Variants in GUCY2F observed in about 807,000 individuals in gnomAD.
The protein encoded by GUCY2F is retinal guanylyl cyclase 2.
Under a neutral mutation model 73.1 loss-of-function variants are expected in GUCY2F, and 61 were observed. The observed-to-expected ratio is 0.83, with a 90% confidence interval of 0.68 to 1.03. The LOEUF (loss-of-function observed/expected upper bound fraction) is 1.03, where lower values mean the gene tolerates loss of function less well. Among genes scored for constraint, GUCY2F ranks in the 50% least tolerant of loss-of-function variants. The pLI, the probability that GUCY2F is intolerant of heterozygous loss-of-function variation, is 0.00. For missense variants in GUCY2F, 912 were observed against 854.3 expected, an observed-to-expected ratio of 1.07 and a Z score of -0.84; for synonymous variants, 331 against 307.8, an observed-to-expected ratio of 1.08 and a Z score of -0.79.
At chrX:109,399,703 G>A (rs1399778554) in intron 10 of GUCY2F, among the ~76,000 whole-genome samples, 1 of 111,096 alleles carries the variant, frequency 9.0e-6, no homozygotes, top group African/African-American at 3.3e-5. Context: ...AAACTGAGCT[G>A]ATCAAATTAA....
At chrX:109,390,021 G>C (rs1408309372) in intron 14 of GUCY2F, among the ~76,000 whole-genome samples, 1 of 112,079 alleles carries the variant, frequency 8.9e-6, no homozygotes, top group Non-Finnish European at 1.9e-5. Context: ...CTGCACACAG[G>C]AAGGAAGGAT....
At chrX:109,426,283 T>C (rs1488310600) in intron 8 of GUCY2F, among the ~76,000 whole-genome samples, 1 of 112,319 alleles carries the variant, frequency 8.9e-6, no homozygotes, top group Non-Finnish European at 1.9e-5. Context: ...AAAGCAGAGG[T>C]CAGTAGACTG....
intron 11 of GUCY2F, among the ~76,000 whole-genome samples, chrX:109,396,325 A>G (rs1930706934): frequency 9.2e-6 from 1 of 108,527 alleles, no homozygotes; most frequent in Non-Finnish European, 1.9e-5. Flanking sequence ...ACCTTTTTAC[A>G]AAAAGAAAAC....
intron 7 of GUCY2F, among the ~76,000 whole-genome samples, chrX:109,437,506 C>A (rs1931779033): frequency 8.9e-6 from 1 of 112,709 alleles, no homozygotes; most frequent in Non-Finnish European, 1.9e-5. Flanking sequence ...AAACATACCA[C>A]AATTTAACAC....
intron 8 of GUCY2F, among the ~76,000 whole-genome samples, chrX:109,421,641 G>C (rs937817488): frequency 9.0e-6 from 1 of 111,684 alleles, no homozygotes; most frequent in South Asian, 3.7e-4. Context: ...CTTAAGATTT[G>C]CAAGATGAAA....
Position 109,471,598 on chromosome X carries a change from A to G in GUCY2F, c.730+3609T>C, listed in dbSNP as rs141727040. 8.1e-3 allele frequency among the ~76,000 whole-genome samples: 915 copies of G among 112,510 alleles called. 6 individuals are homozygous for G. The highest frequency in any genetic ancestry group is 0.027 in the African/African-American group (841 of 30,947). ...CACAACCTACATAACCACACACAGCAGCCCTGACTATAAATTAAGGCCTTT... is the reference window on the plus strand; with the variant it reads ...CACAACCTACATAACCACACACAGCGGCCCTGACTATAAATTAAGGCCTTT... On this transcript the variant is annotated intron_variant, in intron 2 of 19. Transcript: ENST00000218006.
chrX:109,472,703 A>G (rs1207055856), intron 2 of GUCY2F, among the ~76,000 whole-genome samples: 2 of 111,685 alleles, frequency 1.8e-5, no homozygotes, highest in Non-Finnish European at 3.8e-5. Context: ...CCAAATCTCC[A>G]ATTTTCTAAT....
chrX:109,453,682 A>C lies in GUCY2F; in HGVS notation c.1210T>G (p.Ser404Ala), dbSNP rs752756433. 3.3e-6 allele frequency: 4 copies of C among 1,207,245 alleles called. No homozygotes were observed. In the South Asian group the frequency reaches 7.0e-5, roughly 21 times the overall value. Residue 404 changes from serine to alanine, a missense_variant, in exon 4 of 20, where the codon TCA becomes GCA. Coordinates refer to ENST00000218006, the MANE Select transcript of GUCY2F (RefSeq NM_001522.3). ...TTGGTGTCCAGGATTACATATTCTG[A>C]AATTCCATTTCCATTTGAATCTGTC... Reference protein sequence around the residue: ...MRTDSNGNGISEYVILDTNLK... With the variant: ...MRTDSNGNGIAEYVILDTNLK...
In GUCY2F at chrX:109,447,153, C is replaced by T. The variant is rs760377866; in HGVS notation, c.1569+916G>A. 7.2e-5 allele frequency among the ~76,000 whole-genome samples: 8 copies of T among 111,708 alleles called. No individual in the cohort carries two copies. The South Asian group carries it at 1.1e-3, about 16-fold the overall frequency. Reference sequence around the variant, plus strand: ...AGGTGCTGGAGAGGATGTGGAGAAACAGGAACACTTTTACACCATTGGTGG... The same window carrying T: ...AGGTGCTGGAGAGGATGTGGAGAAATAGGAACACTTTTACACCATTGGTGG... On this transcript the variant is annotated intron_variant, in intron 6 of 19. Transcript: ENST00000218006.
chrX:109,433,774 T>G (rs748215269), intron 7 of GUCY2F, among the ~76,000 whole-genome samples: 2 of 111,763 alleles, frequency 1.8e-5, no homozygotes, highest in South Asian at 7.5e-4. Context: ...AGTTTTGAAC[T>G]AAAGCCACGG....
At chrX:109,445,608 G>T (rs1931983440) in intron 6 of GUCY2F, among the ~76,000 whole-genome samples, 1 of 111,183 alleles carries the variant, frequency 9.0e-6, no homozygotes, top group Non-Finnish European at 1.9e-5. Flanking sequence ...TGCTGGATTT[G>T]GTTTGGGACA....
intron 2 of GUCY2F, among the ~76,000 whole-genome samples, chrX:109,468,007 TA>T (rs1932504768): frequency 8.9e-6 from 1 of 112,058 alleles, no homozygotes; most frequent in East Asian, 2.8e-4. Flanking sequence ...TGAAGGGTCA[TA>T]CCAGCTCTAG....
chrX:109,437,100 G>T (rs1310391621), intron 7 of GUCY2F, among the ~76,000 whole-genome samples: 1 of 110,626 alleles, frequency 9.0e-6, no homozygotes, highest in Non-Finnish European at 1.9e-5. Context: ...CTACTTCTTT[G>T]TTTCATCTGT....
rs936107680 is a variant in GUCY2F, at chrX:109,417,777, C to T, written c.1792-8609G>A. ...GAACATTAATCCAAAGACACAAATGCATGGAAAGAAAAAGTACAGAAAAAG... is the reference window on the plus strand; with the variant it reads ...GAACATTAATCCAAAGACACAAATGTATGGAAAGAAAAAGTACAGAAAAAG... On this transcript the variant is annotated intron_variant, in intron 8 of 19. Transcript: ENST00000218006. Among the ~76,000 whole-genome samples, 3 of 110,771 alleles carry T rather than the reference C, an allele frequency of 2.7e-5. No individual in the cohort carries two copies. The East Asian group carries it at 8.3e-4, about 31-fold the overall frequency.
At chrX:109,391,154 C>T (rs28663110) in intron 14 of GUCY2F, among the ~76,000 whole-genome samples, 1 of 111,249 alleles carries the variant, frequency 9.0e-6, no homozygotes, top group Non-Finnish European at 1.9e-5. Flanking sequence ...TGAGATTTTT[C>T]GTCATTTTTG....
At chrX:109,436,661 C>T (rs991225754) in intron 7 of GUCY2F, among the ~76,000 whole-genome samples, 8 of 110,859 alleles carry the variant, frequency 7.2e-5, no homozygotes, top group East Asian at 2.8e-4. Flanking sequence ...TGGAAATCAT[C>T]GTTCTCAGTA....
chrX:109,465,066 C>G, intron 3 of GUCY2F, 76 bp downstream of exon 3: 2 of 761,439 alleles, frequency 2.6e-6, no homozygotes, highest in Non-Finnish European at 3.9e-6. Context: ...GGAATTGAGA[C>G]TGTTGGTCTG....
chrX:109,378,001 C>T (rs1335601865), intron 17 of GUCY2F, among the ~76,000 whole-genome samples: 1 of 111,108 alleles, frequency 9.0e-6, no homozygotes, highest in Non-Finnish European at 1.9e-5. Flanking sequence ...CACAATTTTG[C>T]TAAAGGGAGA....
intron 8 of GUCY2F, among the ~76,000 whole-genome samples, chrX:109,429,365 G>A (rs1481672872): frequency 1.9e-5 from 2 of 104,702 alleles, no homozygotes; most frequent in Non-Finnish European, 3.9e-5. Flanking sequence ...AGTGAGCTGA[G>A]ATCGCACCAT....
Sources: gnomAD v4.1 joint callset for allele counts (sites outside exome capture counted in the v4.1 genomes callset) on GRCh38, gnomAD v4.1.1 for gene constraint, MANE v1.5 for transcripts, NCBI Gene and HGNC (gene_info 2026-07-23, HGNC 2026-07-21) for gene names.